The following CYB5R4 variants were observed in gnomAD, a reference collection of about 807,000 sequenced individuals.
The protein encoded by CYB5R4 is cytochrome b5 reductase 4, also known as N-terminal cytochrome b5 and cytochrome b5 oxidoreductase domain-containing protein.
A neutral mutation model predicts 70.2 loss-of-function variants in CYB5R4; 55 were observed. That is an observed-to-expected ratio of 0.78 (90% CI 0.63 to 0.98). CYB5R4 has a LOEUF of 0.98. CYB5R4 is among the 50% of genes least tolerant of loss of function. The pLI is 0.00. For missense variants in CYB5R4, 562 were observed against 612.6 expected (o/e 0.92, Z 0.87); for synonymous variants, 197 against 199.5 (o/e 0.99, Z 0.11).
chr6:83,941,487 A>G (rs993246764), intron 14 of CYB5R4, among the ~76,000 whole-genome samples: 1 of 152,222 alleles, frequency 6.6e-6, no homozygotes, highest in Non-Finnish European at 1.5e-5. Context: ...AAAGGATGGT[A>G]TACATAAAAT....
intron 10 of CYB5R4, 61 bp from the exon 11 acceptor site, chr6:83,934,534 T>C: frequency 8.1e-7 from 1 of 1,236,204 alleles, no homozygotes. Context: ...TTTCTCTTAG[T>C]GGTTTAGTAT....
intron 10 of CYB5R4, 99 bp downstream of exon 10, chr6:83,924,691 G>T: frequency 7.7e-7 from 1 of 1,293,698 alleles, no homozygotes. Context: ...GAAATGAGCT[G>T]AAGGGTCCTT....
At chr6:83,889,431 A>G (rs904258122) in intron 2 of CYB5R4, among the ~76,000 whole-genome samples, 6 of 152,114 alleles carry the variant, frequency 3.9e-5, no homozygotes, top group Non-Finnish European at 8.8e-5. Context: ...GGCCCTAGAG[A>G]ATTATGCTAA....
chr6:83,913,475 G>T (rs770961834), intron 4 of CYB5R4, among the ~76,000 whole-genome samples: 36 of 152,096 alleles, frequency 2.4e-4, no homozygotes, highest in Non-Finnish European at 4.7e-4. Context: ...GTGATAATTT[G>T]CTGTATGTGG....
chr6:83,919,299 A>T (rs940914526), intron 6 of CYB5R4, 98 bp from the exon 7 acceptor site: 2 of 666,968 alleles, frequency 3.0e-6, no homozygotes, highest in African/African-American at 3.9e-5. Context: ...AGAAATACAG[A>T]TATGTCTCAT....
chr6:83,861,825 C>A (rs1056364546), intron 1 of CYB5R4, among the ~76,000 whole-genome samples: 2 of 152,166 alleles, frequency 1.3e-5, no homozygotes, highest in East Asian at 1.9e-4. Context: ...GCTAACATTT[C>A]TTTCAGTGTT....
intron 2 of CYB5R4, among the ~76,000 whole-genome samples, chr6:83,874,131 CTCCCCTCCCT>C (rs2045896837): frequency 1.5e-5 from 1 of 68,074 alleles, no homozygotes; most frequent in Non-Finnish European, 2.6e-5. Flanking sequence ...CTCCTCTCCC[CTCCCCTCCCT>C]TCCCCTCCCC....
chr6:83,888,786 T>C (rs1324441855), intron 2 of CYB5R4, among the ~76,000 whole-genome samples: 1 of 152,200 alleles, frequency 6.6e-6, no homozygotes, highest in Non-Finnish European at 1.5e-5. Flanking sequence ...GGAAGGCATG[T>C]TGAAAGCTGA....
At chr6:83,898,241 T>G (rs1205140313) in intron 3 of CYB5R4, among the ~76,000 whole-genome samples, 2 of 152,204 alleles carry the variant, frequency 1.3e-5, no homozygotes, top group African/African-American at 4.8e-5. Flanking sequence ...CATTTCTTGT[T>G]TTTGTCAGGT....
In CYB5R4 at chr6:83,963,977, G is replaced by A. The variant is rs761703828; in HGVS notation, c.*4099G>A. ...TTGCATCTTACTCATTTTCTCTTGC[G>A]GCCGCCATGTAAGAAGTGCCTTTCA... On this transcript the variant is annotated 3_prime_UTR_variant, in exon 16 of 16. Coordinates refer to ENST00000369681, the MANE Select transcript of CYB5R4 (RefSeq NM_016230.4). The A allele has an allele frequency of 4.6e-5, 10 of 217,900 alleles. No homozygotes were observed. Among genetic ancestry groups the A allele is most frequent in the Non-Finnish European group, 6.2e-5 (7 of 113,136 alleles). The allele number at this position is 217,900 out of a possible 1,614,324, so 13.5% of individuals were successfully genotyped here. A position where few individuals can be genotyped will look rare whatever the true frequency, so the allele number is the denominator to read the frequency against.
chr6:83,916,933 T>C (rs2099465611), intron 5 of CYB5R4, among the ~76,000 whole-genome samples: 1 of 152,186 alleles, frequency 6.6e-6, no homozygotes, highest in African/African-American at 2.4e-5. Context: ...CTGTATAGTT[T>C]GAAAAATAGT....
At chr6:83,892,841 CCTCTCT>C (rs143031785) in intron 2 of CYB5R4, among the ~76,000 whole-genome samples, 69 of 145,286 alleles carry the variant, frequency 4.7e-4, no homozygotes, top group African/African-American at 1.7e-3. Context: ...TCTCTCTCTT[CCTCTCT>C]CTCTCTCTCT....
At chr6:83,941,324 A>G (rs923451418) in intron 14 of CYB5R4, among the ~76,000 whole-genome samples, 3 of 152,248 alleles carry the variant, frequency 2.0e-5, no homozygotes, top group Non-Finnish European at 2.9e-5. Context: ...ATTTGAAAGC[A>G]GTAGGAAGTT....
At chr6:83,892,116 C>A (rs2099461208) in intron 2 of CYB5R4, among the ~76,000 whole-genome samples, 1 of 152,070 alleles carries the variant, frequency 6.6e-6, no homozygotes, top group African/African-American at 2.4e-5. Flanking sequence ...TCTTGTGGGA[C>A]TCTAGGCATA....
Position 83,921,258 on chromosome 6 carries a change from G to A in CYB5R4, c.658+83G>A. The A allele has an allele frequency of 3.3e-6, 4 of 1,199,438 alleles. No homozygotes were observed. The South Asian group carries it at 4.9e-5, about 15-fold the overall frequency. The allele number at this position is 1,199,438 out of a possible 1,614,324, so 74.3% of individuals were successfully genotyped here. ...AACTTGGTCTACAGTCTAGGTAACT[G>A]TAATATTTTATCTGCTGTTACCATT... On this transcript the variant is annotated intron_variant, in intron 8 of 15. Coordinates refer to ENST00000369681, the MANE Select transcript of CYB5R4 (RefSeq NM_016230.4).
At chr6:83,901,949 G>C (rs909940477) in intron 3 of CYB5R4, among the ~76,000 whole-genome samples, 4 of 151,886 alleles carry the variant, frequency 2.6e-5, no homozygotes, top group Admixed American at 6.6e-5. Context: ...ATAGAGTGCA[G>C]ATATTTTCTC....
chr6:83,957,228 T>A (rs1262395661), intron 15 of CYB5R4, among the ~76,000 whole-genome samples: 1 of 152,132 alleles, frequency 6.6e-6, no homozygotes, highest in Non-Finnish European at 1.5e-5. Context: ...AAAAATTTTT[T>A]ATGAAAAAAG....
chr6:83,869,499 G>A (rs1271360534), intron 2 of CYB5R4, among the ~76,000 whole-genome samples: 1 of 152,176 alleles, frequency 6.6e-6, no homozygotes, highest in Non-Finnish European at 1.5e-5. Flanking sequence ...ACAAGGCTAT[G>A]TTCTGACTTC....
At chr6:83,912,079 C>T (rs996629522) in intron 4 of CYB5R4, among the ~76,000 whole-genome samples, 2 of 139,938 alleles carry the variant, frequency 1.4e-5, no homozygotes, top group Admixed American at 7.0e-5. Context: ...AAAAAAAAAG[C>T]CTATTGACTT....
Sources: allele counts gnomAD v4.1 joint callset (sites outside exome capture counted in the v4.1 genomes callset), GRCh38; gene constraint gnomAD v4.1.1; transcripts MANE v1.5; gene names NCBI Gene and HGNC (gene_info 2026-07-23, HGNC 2026-07-21).